Variants in DIP2C observed in about 807,000 individuals in gnomAD.
DIP2C encodes disco-interacting protein 2 homolog C.
Under a neutral mutation model 192.4 loss-of-function variants are expected in DIP2C, and 33 were observed. That is an observed-to-expected ratio of 0.17 (90% CI 0.13 to 0.23). DIP2C has a LOEUF of 0.23. DIP2C is among the 10% of genes least tolerant of loss of function. The probability of loss-of-function intolerance (pLI) is 1.00; values close to 1 mark genes in which losing one functional copy is unlikely to be tolerated. For synonymous variants in DIP2C, 979 were observed against 864.1 expected (o/e 1.13, Z -2.33); for missense variants, 1,537 against 2,110.1 (o/e 0.73, Z 5.32).
At chr10:591,146 G>T (rs1014731660) in intron 1 of DIP2C, among the ~76,000 whole-genome samples, 3 of 152,100 alleles carry the variant, frequency 2.0e-5, no homozygotes, top group Non-Finnish European at 4.4e-5. Flanking sequence ...TTTTTAGATG[G>T]AGTCTCTGCT....
intron 4 of DIP2C, among the ~76,000 whole-genome samples, chr10:431,220 A>T (rs1234049128): frequency 6.6e-6 from 1 of 152,140 alleles, no homozygotes; most frequent in African/African-American, 2.4e-5. Context: ...TAAACTTTTG[A>T]ATCAGTGTGT....
rs41288735 is a variant in DIP2C, at chr10:327,054, G to T, written c.3876C>A (p.Ala1292=). The change falls in exon 31 of 37, where the codon GCC becomes GCA. Residue 1292 remains alanine (A), a synonymous_variant. Coordinates refer to ENST00000280886, the MANE Select transcript of DIP2C (RefSeq NM_014974.3). Reference sequence around the variant, plus strand: ...CCCTGCAACCGAACGAGGTGCTGACGGCCCGCGGGTGAAGGCCCAGGTCCT... The same window carrying T: ...CCCTGCAACCGAACGAGGTGCTGACTGCCCGCGGGTGAAGGCCCAGGTCCT... ...LFKDLGLHPR[A]VSTSFGCRVN... 2 of 1,614,156 alleles carry T rather than the reference G, an allele frequency of 1.2e-6. No individual in the cohort carries two copies. The highest frequency in any genetic ancestry group is 3.3e-5 in the Admixed American group (2 of 60,014).
intron 1 of DIP2C, among the ~76,000 whole-genome samples, chr10:557,756 G>C (rs1350251484): frequency 1.6e-5 from 1 of 61,698 alleles, no homozygotes; most frequent in Non-Finnish European, 3.1e-5. Context: ...TGGGTGGGAA[G>C]GGGGAGGGGG....
chr10:324,365 G>A (rs1490976076), intron 31 of DIP2C, among the ~76,000 whole-genome samples: 1 of 152,186 alleles, frequency 6.6e-6, no homozygotes, highest in Non-Finnish European at 1.5e-5. Context: ...TGGCATCTGT[G>A]CCACATCACC....
intron 4 of DIP2C, among the ~76,000 whole-genome samples, chr10:434,952 T>C (rs1325405038): frequency 6.6e-6 from 1 of 152,154 alleles, no homozygotes; most frequent in African/African-American, 2.4e-5. Flanking sequence ...GTATAGTTTA[T>C]TTTTGTTTTT....
intron 2 of DIP2C, among the ~76,000 whole-genome samples, chr10:485,217 C>T (rs1336668108): frequency 6.6e-6 from 1 of 152,240 alleles, no homozygotes; most frequent in African/African-American, 2.4e-5. Context: ...GCGTCCGTGG[C>T]CTACAGTCAG....
intron 1 of DIP2C, among the ~76,000 whole-genome samples, chr10:648,959 G>A (rs1279709577): frequency 6.7e-6 from 1 of 148,866 alleles, no homozygotes; most frequent in Non-Finnish European, 1.5e-5. Context: ...CTGAGTCCAC[G>A]TCCACATTTG....
At chr10:569,965 T>G (rs375118941) in intron 1 of DIP2C, among the ~76,000 whole-genome samples, 1 of 152,204 alleles carries the variant, frequency 6.6e-6, no homozygotes, top group Non-Finnish European at 1.5e-5. Context: ...CCTCTCAGCC[T>G]TCCCCCATGT....
chr10:643,349 T>A (rs909540349), intron 1 of DIP2C, among the ~76,000 whole-genome samples: 1 of 151,834 alleles, frequency 6.6e-6, no homozygotes, highest in African/African-American at 2.4e-5. Flanking sequence ...CCGTCTCTAC[T>A]AAAAATACAA....
At chr10:387,972 T>A (rs191640194) in intron 13 of DIP2C, among the ~76,000 whole-genome samples, 163 bp from the exon 14 acceptor site, 2 of 152,340 alleles carry the variant, frequency 1.3e-5, no homozygotes, top group East Asian at 3.9e-4. Flanking sequence ...GTAGGCCGGT[T>A]TGAGTGCCGG....
intron 10 of DIP2C, among the ~76,000 whole-genome samples, chr10:396,162 A>T (rs1228387912): frequency 6.6e-6 from 1 of 152,238 alleles, no homozygotes; most frequent in East Asian, 1.9e-4. Flanking sequence ...CGTACGGTTT[A>T]TGTCTCTACT....
intron 3 of DIP2C, among the ~76,000 whole-genome samples, chr10:452,080 C>T (rs961018648): frequency 6.6e-6 from 1 of 152,244 alleles, no homozygotes; most frequent in South Asian, 2.1e-4. Flanking sequence ...CCCACAGGAT[C>T]GGGTAACACG....
intron 1 of DIP2C, among the ~76,000 whole-genome samples, chr10:579,307 A>G (rs1334672478): frequency 6.6e-6 from 1 of 152,136 alleles, no homozygotes; most frequent in Non-Finnish European, 1.5e-5. Flanking sequence ...GTACACACAT[A>G]GGTACACTAT....
chr10:633,412 G>A (rs897895320), intron 1 of DIP2C, among the ~76,000 whole-genome samples: 1 of 152,116 alleles, frequency 6.6e-6, no homozygotes, highest in Non-Finnish European at 1.5e-5. Flanking sequence ...GACGCGGGGA[G>A]TCCGAGGCGG....
chr10:516,135 T>TC (rs2130795306), intron 1 of DIP2C, among the ~76,000 whole-genome samples: 1 of 149,376 alleles, frequency 6.7e-6, no homozygotes, highest in East Asian at 2.1e-4. Context: ...ACCTTTGTCC[T>TC]CCATCCTGTT....
intron 34 of DIP2C, 150 bp from the exon 35 acceptor site, chr10:283,596 G>A (rs1378519489): frequency 5.5e-6 from 6 of 1,089,042 alleles, no homozygotes; most frequent in Non-Finnish European, 7.8e-6. Flanking sequence ...AATCTCATTC[G>A]GGTTTCTCGA....
In DIP2C at chr10:591,857, G is replaced by A. The variant is rs961423744; in HGVS notation, c.85+97637C>T. Among the ~76,000 whole-genome samples, 4 of 152,322 alleles carry A rather than the reference G, an allele frequency of 2.6e-5. No individual in the cohort carries two copies. In the East Asian group the frequency reaches 7.7e-4, roughly 29 times the overall value. On this transcript the variant is annotated intron_variant, in intron 1 of 36. Transcript: ENST00000280886. ...CTCTCCTCAGACGTCCCACAGTGCA[G>A]GCAGCCAGAGGGGAAGACAGCGGCG...
At chr10:284,327 C>G (rs1954986771) in intron 34 of DIP2C, among the ~76,000 whole-genome samples, 1 of 152,180 alleles carries the variant, frequency 6.6e-6, no homozygotes, top group Non-Finnish European at 1.5e-5. Flanking sequence ...CTGAGAGAGA[C>G]AGTGCACCAT....
chr10:562,337 G>T (rs1040414336), intron 1 of DIP2C, among the ~76,000 whole-genome samples: 22 of 152,220 alleles, frequency 1.4e-4, no homozygotes, highest in African/African-American at 5.3e-4. Context: ...CAACAAATGT[G>T]TTTGACAAAG....
Sources: allele counts gnomAD v4.1 joint callset (sites outside exome capture counted in the v4.1 genomes callset), GRCh38; gene constraint gnomAD v4.1.1; transcripts MANE v1.5; gene names NCBI Gene and HGNC (gene_info 2026-07-23, HGNC 2026-07-21).